The following KIAA1328 variants were observed in gnomAD, a reference collection of about 807,000 sequenced individuals.
The protein encoded by KIAA1328 is KIAA1328.
KIAA1328 carries 52 observed loss-of-function variants against 68.1 expected under a neutral mutation model. The observed-to-expected ratio is 0.76, with a 90% CI of 0.61 to 0.96. The LOEUF (loss-of-function observed/expected upper bound fraction) is 0.96, where lower values mean the gene tolerates loss of function less well. Among genes scored for constraint, KIAA1328 ranks in the 40% least tolerant of loss-of-function variants. KIAA1328 has a pLI of 0.00. For synonymous variants in KIAA1328, 232 were observed against 239.4 expected (o/e 0.97, Z 0.28); for missense variants, 641 against 677.6 (o/e 0.95, Z 0.60).
At chr18:37,121,702 T>C (rs1421823286) in intron 7 of KIAA1328, among the ~76,000 whole-genome samples, 1 of 152,126 alleles carries the variant, frequency 6.6e-6, no homozygotes, top group African/African-American at 2.4e-5. Flanking sequence ...AAAGTGAATA[T>C]AGAAGAGTTA....
At chr18:37,105,443 A>G (rs1445150443) in intron 7 of KIAA1328, among the ~76,000 whole-genome samples, 1 of 150,830 alleles carries the variant, frequency 6.6e-6, no homozygotes, top group Admixed American at 6.6e-5. Flanking sequence ...GTAAGCTATG[A>G]ATGCTGCACT....
At chr18:37,079,840 T>C (rs931067531) in intron 7 of KIAA1328, among the ~76,000 whole-genome samples, 2 of 150,820 alleles carry the variant, frequency 1.3e-5, no homozygotes, top group African/African-American at 2.4e-5. Flanking sequence ...TGAGCTGAGA[T>C]TGGGCCACTG....
chr18:36,843,441 G>A (rs925848193), intron 3 of KIAA1328, among the ~76,000 whole-genome samples: 3 of 152,210 alleles, frequency 2.0e-5, no homozygotes, highest in African/African-American at 4.8e-5. Flanking sequence ...TGTTACCTAC[G>A]ATTCCTTCGT....
chr18:37,040,795 G>C (rs2055215302), intron 6 of KIAA1328, among the ~76,000 whole-genome samples: 1 of 150,228 alleles, frequency 6.7e-6, no homozygotes, highest in African/African-American at 2.4e-5. Context: ...CTTCCCCTTT[G>C]ACTTCCTTTT....
chr18:36,991,308 T>C (rs2053168569), intron 6 of KIAA1328, among the ~76,000 whole-genome samples: 1 of 152,196 alleles, frequency 6.6e-6, no homozygotes, highest in Admixed American at 6.5e-5. Context: ...AGTTGGCAGA[T>C]TAAGATTTAG....
At chr18:36,972,208 T>C (rs1377974772) in intron 6 of KIAA1328, among the ~76,000 whole-genome samples, 1 of 152,188 alleles carries the variant, frequency 6.6e-6, no homozygotes, top group African/African-American at 2.4e-5. Context: ...ATGGGACAAT[T>C]GAACACATGC....
chr18:37,010,049 G>A (rs922975316), intron 6 of KIAA1328, among the ~76,000 whole-genome samples: 6 of 152,160 alleles, frequency 3.9e-5, no homozygotes, highest in South Asian at 2.1e-4. Flanking sequence ...TGAGCAAAGC[G>A]TATCATGGAA....
intron 6 of KIAA1328, among the ~76,000 whole-genome samples, chr18:37,066,666 T>C (rs1301069756): frequency 6.6e-6 from 1 of 152,230 alleles, no homozygotes; most frequent in Non-Finnish European, 1.5e-5. Flanking sequence ...CAGCAACTTA[T>C]TTTTCTTATC....
rs74831186 is a variant in KIAA1328, at chr18:37,043,954, A to G, written c.577-22936A>G. Reference sequence around the variant, plus strand: ...AACTTAAGTATTTCTAAAAGTAACCATGGTATGCAAAATCATACAATAAAA... The same window carrying G: ...AACTTAAGTATTTCTAAAAGTAACCGTGGTATGCAAAATCATACAATAAAA... On this transcript the variant is annotated intron_variant, in intron 6 of 9. Coordinates refer to ENST00000280020, the MANE Select transcript of KIAA1328 (RefSeq NM_020776.3). Among the ~76,000 whole-genome samples, 179 of 152,334 alleles carry G rather than the reference A, an allele frequency of 1.2e-3. 2 individuals carry two copies. Among genetic ancestry groups the G allele is most frequent in the African/African-American group, 3.8e-3 (156 of 41,592 alleles).
intron 4 of KIAA1328, among the ~76,000 whole-genome samples, chr18:36,851,408 T>G (rs1242774236): frequency 1.3e-5 from 2 of 152,170 alleles, no homozygotes; most frequent in African/African-American, 4.8e-5. Context: ...TTTGGTAGAA[T>G]TAATCAGTGA....
At chr18:37,212,765 G>C (rs1384561879) in intron 9 of KIAA1328, among the ~76,000 whole-genome samples, 2 of 152,006 alleles carry the variant, frequency 1.3e-5, no homozygotes, top group African/African-American at 4.8e-5. Context: ...CTGTCGCCCA[G>C]GCTGGAGTGC....
chr18:36,924,407 A>G (rs1245806168), intron 5 of KIAA1328, among the ~76,000 whole-genome samples: 1 of 152,034 alleles, frequency 6.6e-6, no homozygotes, highest in African/African-American at 2.4e-5. Flanking sequence ...TATTTAGAGG[A>G]AAAAAAGATA....
intron 7 of KIAA1328, among the ~76,000 whole-genome samples, chr18:37,107,514 TG>T (rs1287730500): frequency 6.6e-6 from 1 of 152,226 alleles, no homozygotes; most frequent in Non-Finnish European, 1.5e-5. Flanking sequence ...TCCATTTATT[TG>T]TGTTGTCTCT....
chr18:36,921,190 G>A (rs1394955299), intron 5 of KIAA1328: 1 of 149,808 alleles, frequency 6.7e-6, no homozygotes, highest in African/African-American at 2.5e-5. Flanking sequence ...TATTCATCTT[G>A]GGTGGAAGCA....
intron 9 of KIAA1328, among the ~76,000 whole-genome samples, chr18:37,180,786 A>G (rs1039894281): frequency 2.0e-5 from 3 of 152,144 alleles, no homozygotes; most frequent in African/African-American, 7.2e-5. Flanking sequence ...TAAGATCACA[A>G]ACCTCTGCTG....
In KIAA1328 at chr18:37,146,819, A is replaced by G. The variant is rs148223491; in HGVS notation, c.1233-13381A>G. 5.9e-3 allele frequency among the ~76,000 whole-genome samples: 891 copies of G among 152,260 alleles called. 11 individuals are homozygous for G. The highest frequency in any genetic ancestry group is 0.02 in the African/African-American group (827 of 41,542). On this transcript the variant is annotated intron_variant, in intron 7 of 9. Transcript: ENST00000280020. ...ATTGCTAACCTATATTTACTTCCCCATTCTTTGTGACATTATTGTCATATA... is the reference window on the plus strand; with the variant it reads ...ATTGCTAACCTATATTTACTTCCCCGTTCTTTGTGACATTATTGTCATATA...
intron 6 of KIAA1328, among the ~76,000 whole-genome samples, chr18:37,061,083 C>G (rs965506720): frequency 2.6e-5 from 4 of 152,124 alleles, no homozygotes; most frequent in African/African-American, 7.2e-5. Context: ...CCACTGCACT[C>G]CAGCCTGGGC....
intron 7 of KIAA1328, among the ~76,000 whole-genome samples, chr18:37,111,118 C>A (rs1454813219): frequency 6.6e-6 from 1 of 152,018 alleles, no homozygotes. Context: ...AGAAAAAGAA[C>A]CAGTAGGAGA....
chr18:36,863,064 C>T (rs1012997206), intron 4 of KIAA1328, among the ~76,000 whole-genome samples: 2 of 151,942 alleles, frequency 1.3e-5, no homozygotes, highest in East Asian at 3.9e-4. Flanking sequence ...AGATAAAAAT[C>T]CTTTATTGGA....
Sources: gnomAD v4.1 joint callset for allele counts (sites outside exome capture counted in the v4.1 genomes callset) on GRCh38, gnomAD v4.1.1 for gene constraint, MANE v1.5 for transcripts, NCBI Gene and HGNC (gene_info 2026-07-23, HGNC 2026-07-21) for gene names.